SPATA6L: variants seen among roughly 807,000 people sequenced by gnomAD.
SPATA6L encodes spermatogenesis associated 6-like protein.
SPATA6L carries 68 observed loss-of-function variants against 49.2 expected under a neutral mutation model. That is an observed-to-expected ratio of 1.38 (90% CI 1.14 to 1.69). The LOEUF (loss-of-function observed/expected upper bound fraction) is 1.69. SPATA6L is among the 40% of genes most tolerant of loss of function. The pLI is 0.00. For synonymous variants in SPATA6L, 198 were observed against 165.7 expected, an observed-to-expected ratio of 1.19 and a Z score of -1.50; for missense variants, 668 against 464.3, an observed-to-expected ratio of 1.44 and a Z score of -4.03.
At chr9:4,616,735 G>A (rs933034830) in intron 9 of SPATA6L, among the ~76,000 whole-genome samples, 4 of 152,220 alleles carry the variant, frequency 2.6e-5, no homozygotes, top group Middle Eastern at 6.8e-3. Flanking sequence ...ACAGGCATGC[G>A]CCACTATGCC....
intron 11 of SPATA6L, among the ~76,000 whole-genome samples, chr9:4,603,769 G>C (rs1564109985): frequency 6.6e-6 from 1 of 152,290 alleles, no homozygotes; most frequent in East Asian, 1.9e-4. Context: ...ACATCACAGA[G>C]AGAGGGAGTG....
At chr9:4,588,843 G>A (rs373162481) in exon 14 of SPATA6L, 1 of 152,182 alleles carries the variant, frequency 6.6e-6, no homozygotes, top group Non-Finnish European at 1.5e-5. Context: ...GTGGGTACAA[G>A]GCCCTTTATT....
intron 3 of SPATA6L, among the ~76,000 whole-genome samples, chr9:4,652,204 T>C (rs1311420319): frequency 1.3e-5 from 2 of 152,104 alleles, no homozygotes; most frequent in Non-Finnish European, 2.9e-5. Flanking sequence ...GAGGATCACC[T>C]GAGGCCGGGA....
At chr9:4,628,235 T>C (rs1438020603) in intron 5 of SPATA6L, 1 of 180,090 alleles carries the variant, frequency 5.6e-6, no homozygotes, top group Non-Finnish European at 1.2e-5. Context: ...ACTGTAAATT[T>C]TAAAATAACT....
intron 3 of SPATA6L, among the ~76,000 whole-genome samples, chr9:4,640,190 A>C (rs1454320522): frequency 6.6e-6 from 1 of 152,206 alleles, no homozygotes; most frequent in African/African-American, 2.4e-5. Context: ...AATAAAAAGA[A>C]AGCATCAAGC....
In SPATA6L at chr9:4,661,938, C is replaced by G. The variant is rs757339255; in HGVS notation, c.138G>C (p.Ala46=). The G allele has an allele frequency of 5.6e-6, 9 of 1,613,712 alleles. No individual in the cohort carries two copies. Among genetic ancestry groups the G allele is most frequent in the South Asian group, 1.1e-5 (1 of 91,048 alleles). The change falls in exon 2 of 12, where the codon GCG becomes GCC. Residue 46 remains alanine, a synonymous_variant. Coordinates refer to ENST00000682582, the MANE Select transcript of SPATA6L (RefSeq NM_001353486.2). ...TGCTCTCCTGAATCATAATGGGGAA[C>G]GCAGAGGGAAAGCTGTTGGTCTCCA... The part of the protein sequence containing the change: ...QYLETNSFPS[A]FPIMIQESMR...
chr9:4,597,394 G>A (rs1822367043), downstream of SPATA6L, among the ~76,000 whole-genome samples: 1 of 151,066 alleles, frequency 6.6e-6, no homozygotes, highest in African/African-American at 2.4e-5. Context: ...GGTGAGGTGG[G>A]CGGAGCTAAT....
intron 4 of SPATA6L, among the ~76,000 whole-genome samples, chr9:4,631,465 A>G (rs1021146996): frequency 2.0e-5 from 3 of 152,120 alleles, no homozygotes; most frequent in South Asian, 4.1e-4. Context: ...ATTATATATT[A>G]TCTGATAGAT....
At position 4,617,931 on chromosome 9, in the gene SPATA6L, G is replaced by A; in HGVS notation, c.987C>T (p.Leu329=). 1 of 1,609,286 alleles carries A rather than the reference G, an allele frequency of 6.2e-7. No individual in the cohort carries two copies. Among genetic ancestry groups the A allele is most frequent in the East Asian group, 2.2e-5 (1 of 44,684 alleles). The change falls in exon 9 of 12, where the codon CTC becomes CTT. Residue 329 remains leucine, a synonymous_variant. Coordinates refer to ENST00000682582, the MANE Select transcript of SPATA6L (RefSeq NM_001353486.2). ...TSPGPLDQPL[L]RERFHPGSQS... Reference sequence around the variant, plus strand: ...GGGTGCTTGCCACTGACCTTTCTCTGAGAAGGGGCTGATCCAAGGGGCCAG... The same window carrying A: ...GGGTGCTTGCCACTGACCTTTCTCTAAGAAGGGGCTGATCCAAGGGGCCAG...
At chr9:4,641,306 G>C (rs1452340079) in intron 3 of SPATA6L, among the ~76,000 whole-genome samples, 3 of 152,074 alleles carry the variant, frequency 2.0e-5, no homozygotes, top group African/African-American at 7.2e-5. Flanking sequence ...AGGAACCCTT[G>C]CAGATATGAA....
chr9:4,604,181 T>A lies in SPATA6L; in HGVS notation c.1178A>T (p.Ter393LeuextTer26). 1 of 1,606,388 alleles carries A rather than the reference T, an allele frequency of 6.2e-7. No homozygotes were observed. The highest frequency in any genetic ancestry group is 8.5e-7 in the Non-Finnish European group (1 of 1,175,036). Reference sequence around the variant, plus strand: ...TGCTTACTTACATAAGACAGTACCTTAAAAATATCTCTGTTCATGCAGTGA... The same window carrying A: ...TGCTTACTTACATAAGACAGTACCTAAAAAATATCTCTGTTCATGCAGTGA... Reference protein sequence around the residue: ...KYSLHEQRYF* With the variant: ...KYSLHEQRYFL Residue 393 changes from the stop codon to leucine (L), a stop_lost and splice_region_variant, in exon 11 of 12, where the codon TAA becomes TTA. Transcript: ENST00000682582.
At chr9:4,659,734 C>G (rs1451073174) in intron 2 of SPATA6L, among the ~76,000 whole-genome samples, 2 of 152,112 alleles carry the variant, frequency 1.3e-5, no homozygotes, top group African/African-American at 2.4e-5. Context: ...AATCCTAAGC[C>G]AAAAGAACAA....
At chr9:4,593,628 T>C (rs1352906274), downstream of SPATA6L, among the ~76,000 whole-genome samples, 4 of 152,176 alleles carry the variant, frequency 2.6e-5, no homozygotes, top group African/African-American at 9.7e-5. Context: ...TTCCACAACA[T>C]TCCTGAAACT....
At chr9:4,620,249 G>A (rs1340998750) in intron 7 of SPATA6L, among the ~76,000 whole-genome samples, 2 of 151,572 alleles carry the variant, frequency 1.3e-5, no homozygotes, top group Non-Finnish European at 1.5e-5. Context: ...CATAACATGT[G>A]GTCTCATAAC....
intron 3 of SPATA6L, among the ~76,000 whole-genome samples, chr9:4,641,375 G>A (rs966947863): frequency 3.3e-5 from 5 of 151,712 alleles, no homozygotes; most frequent in African/African-American, 9.7e-5. Context: ...TGAGTTGGTC[G>A]AAGGTAAAAA....
At chr9:4,649,217 C>G (rs1380220255) in intron 3 of SPATA6L, among the ~76,000 whole-genome samples, 1 of 152,146 alleles carries the variant, frequency 6.6e-6, no homozygotes, top group Non-Finnish European at 1.5e-5. Flanking sequence ...AAAATGACCT[C>G]TTTTCCTCTG....
chr9:4,663,213 C>T (rs1840287337), intron 1 of SPATA6L: 2 of 1,613,986 alleles, frequency 1.2e-6, no homozygotes, highest in Non-Finnish European at 1.7e-6. Flanking sequence ...CTATTGCTGG[C>T]TCTCACCCCA....
intron 3 of SPATA6L, among the ~76,000 whole-genome samples, chr9:4,641,301 C>A (rs1256345786): frequency 6.6e-6 from 1 of 151,996 alleles, no homozygotes; most frequent in Non-Finnish European, 1.5e-5. Flanking sequence ...GTTTCAGGAA[C>A]CCTTGCAGAT....
At chr9:4,622,537 T>G in intron 6 of SPATA6L, 27 bp from the exon 7 acceptor site, 2 of 1,471,614 alleles carry the variant, frequency 1.4e-6, no homozygotes, top group Non-Finnish European at 1.9e-6. Flanking sequence ...GAAATAAGAC[T>G]AGAATCCACT....
Sources: gnomAD v4.1 joint callset for allele counts (sites outside exome capture counted in the v4.1 genomes callset) on GRCh38, gnomAD v4.1.1 for gene constraint, MANE v1.5 for transcripts, NCBI Gene and HGNC (gene_info 2026-07-23, HGNC 2026-07-21) for gene names.